Variants in CATSPERE observed in about 807,000 individuals in gnomAD.
CATSPERE encodes the protein cation channel sperm-associated auxiliary subunit epsilon.
A neutral mutation model predicts 114.1 loss-of-function variants in CATSPERE; 93 were observed. The observed-to-expected ratio is 0.81, with a 90% confidence interval of 0.69 to 0.97. The LOEUF is 0.97. CATSPERE is among the 50% of genes least tolerant of loss of function. The probability of loss-of-function intolerance (pLI) is 0.00; values close to 1 mark genes in which losing one functional copy is unlikely to be tolerated. For missense variants in CATSPERE, 1,058 were observed against 1,131.6 expected (o/e 0.93, Z 0.93); for synonymous variants, 341 against 384.1 (o/e 0.89, Z 1.31).
At chr1:244,502,512 T>G (rs1411373977) in intron 7 of CATSPERE, among the ~76,000 whole-genome samples, 1 of 152,214 alleles carries the variant, frequency 6.6e-6, no homozygotes, top group Non-Finnish European at 1.5e-5. Flanking sequence ...TATATTCTTT[T>G]TAACTGGCAA....
chr1:244,461,849 C>G (rs755911159), intron 1 of CATSPERE, among the ~76,000 whole-genome samples: 1 of 152,174 alleles, frequency 6.6e-6, no homozygotes, highest in Non-Finnish European at 1.5e-5. Context: ...CCTCTTGCTC[C>G]GTTGCCCAGG....
Position 244,552,679 on chromosome 1 carries a change from T to C in CATSPERE, c.894T>C (p.Val298=). The C allele has an allele frequency of 6.2e-7, 1 of 1,614,042 alleles. No individual in the cohort carries two copies. Among genetic ancestry groups the C allele is most frequent in the South Asian group, 1.1e-5 (1 of 91,074 alleles). The change falls in exon 9 of 22, where the codon GTT becomes GTC. Residue 298 remains valine, a synonymous_variant. Transcript: ENST00000366534. ...AHVILSRDGI[V]FLINGVLYIK... ...TGATCTTATCGCGGGATGGAATCGT[T>C]TTTCTTATAAATGGTGTTCTTTACA...
Position 244,504,005 on chromosome 1 carries a change from T to C in CATSPERE, c.429+4926T>C, listed in dbSNP as rs1674462028. On this transcript the variant is annotated intron_variant, in intron 7 of 21. Coordinates refer to ENST00000366534, the MANE Select transcript of CATSPERE (RefSeq NM_001130957.2). The surrounding 1 kb of genome is among the most constrained non-coding windows in gnomAD (Gnocchi z 4.1). ...TCTATGACCTGGAGATATTTCATGC[T>C]TATTTTTTTCCTTTTTTTCTAAAGT... Among the ~76,000 whole-genome samples the C allele has an allele frequency of 6.6e-6, 1 of 152,264 alleles. No individual in the cohort carries two copies.
chr1:244,639,301 CACTCAT>C (rs1321161860), intron 21 of CATSPERE, among the ~76,000 whole-genome samples: 1 of 152,262 alleles, frequency 6.6e-6, no homozygotes, highest in East Asian at 1.9e-4. Flanking sequence ...CTCCTACTCC[CACTCAT>C]ACTCATACCA....
intron 15 of CATSPERE, among the ~76,000 whole-genome samples, chr1:244,592,304 A>AT (rs1667833914): frequency 6.6e-6 from 1 of 152,098 alleles, no homozygotes; most frequent in Non-Finnish European, 1.5e-5. Flanking sequence ...TACTAACTGA[A>AT]TTTTTTCTAG....
In CATSPERE at chr1:244,610,227, C is replaced by T; in HGVS notation, c.2404-13C>T. ...CTTCTACCTACCCACATACATGTGC[C>T]ATCTTTTGACAGAGTGGTTGTTTAC... On this transcript the variant is annotated splice_polypyrimidine_tract_variant and intron_variant, in intron 18 of 21. Transcript: ENST00000366534. 6.4e-7 allele frequency: 1 copy of T among 1,573,910 alleles called. No individual in the cohort carries two copies. The highest frequency in any genetic ancestry group is 1.2e-5 in the South Asian group (1 of 85,892).
At chr1:244,612,976 CAG>C (rs1167529299) in intron 19 of CATSPERE, among the ~76,000 whole-genome samples, 1 of 151,978 alleles carries the variant, frequency 6.6e-6, no homozygotes, top group Non-Finnish European at 1.5e-5. Flanking sequence ...GGCAGTGACA[CAG>C]AAAAAGGAGC....
At chr1:244,524,552 A>G (rs1185027169) in intron 8 of CATSPERE, among the ~76,000 whole-genome samples, 3 of 118,990 alleles carry the variant, frequency 2.5e-5, no homozygotes, top group Admixed American at 7.5e-5. Context: ...CGAACAGGCC[A>G]CCTACAAAAT....
At chr1:244,583,710 C>T (rs1257802882) in intron 12 of CATSPERE, among the ~76,000 whole-genome samples, 154 bp from the exon 13 acceptor site, 1 of 152,182 alleles carries the variant, frequency 6.6e-6, no homozygotes, top group Non-Finnish European at 1.5e-5. Flanking sequence ...AAGCAGAGAG[C>T]TGTTACCAGC....
intron 8 of CATSPERE, among the ~76,000 whole-genome samples, chr1:244,535,578 A>G (rs1680270001): frequency 6.6e-6 from 1 of 152,138 alleles, no homozygotes; most frequent in South Asian, 2.1e-4. Flanking sequence ...GGCTACCATT[A>G]ATGTTCACTT....
intron 8 of CATSPERE, among the ~76,000 whole-genome samples, chr1:244,549,945 C>T (rs946919820): frequency 1.3e-4 from 20 of 152,170 alleles, no homozygotes; most frequent in Non-Finnish European, 8.8e-5. Flanking sequence ...TTGAAAAGGA[C>T]GAAAGGGCAA....
rs114209239 is a variant in CATSPERE at position 244,599,330 on chromosome 1, A to G, written c.2303+5752A>G. 5.1e-3 allele frequency among the ~76,000 whole-genome samples: 770 copies of G among 152,148 alleles called. 9 individuals carry two copies. The highest frequency in any genetic ancestry group is 0.018 in the African/African-American group (750 of 41,508). On this transcript the variant is annotated intron_variant, in intron 17 of 21. Transcript: ENST00000366534. ...CTGAACTCCTGATCTTCCCCTCAAA[A>G]CCTGCTCCACCAGTAGCCTTCCCCA...
intron 2 of CATSPERE, 140 bp downstream of exon 2, chr1:244,464,096 A>G (rs1667226717): frequency 1.5e-6 from 1 of 657,368 alleles, no homozygotes; most frequent in South Asian, 1.9e-5. Flanking sequence ...GTATTACCCT[A>G]ACATAGGTCC....
upstream of CATSPERE, among the ~76,000 whole-genome samples, chr1:244,458,894 AT>A (rs1191233106): frequency 6.6e-6 from 1 of 152,178 alleles, no homozygotes; most frequent in Non-Finnish European, 1.5e-5. Flanking sequence ...TATAGAGCCA[AT>A]TAAAGCCCAT....
intron 8 of CATSPERE, among the ~76,000 whole-genome samples, chr1:244,533,955 G>GAAAT (rs1253315003): frequency 6.6e-6 from 1 of 152,224 alleles, no homozygotes; most frequent in East Asian, 1.9e-4. Context: ...TTGTGTTGAT[G>GAAAT]AAATCCCTCA....
chr1:244,468,101 C>G (rs199773592), intron 2 of CATSPERE, among the ~76,000 whole-genome samples: 1 of 111,138 alleles, frequency 9.0e-6, no homozygotes, highest in Admixed American at 9.0e-5. Context: ...TTTTTTTTTT[C>G]TTTTTTCTTT....
intron 14 of CATSPERE, among the ~76,000 whole-genome samples, chr1:244,588,931 G>T (rs776374110): frequency 1.3e-5 from 2 of 152,076 alleles, no homozygotes; most frequent in African/African-American, 2.4e-5. Context: ...TCAGAGAACT[G>T]CTTACACCCA....
chr1:244,517,525 A>C (rs919738524), intron 7 of CATSPERE, among the ~76,000 whole-genome samples: 1 of 152,010 alleles, frequency 6.6e-6, no homozygotes, highest in African/African-American at 2.4e-5. Context: ...TAATCCCAGC[A>C]CTTTAGGAGG....
chr1:244,478,771 C>T (rs530014352), intron 4 of CATSPERE, among the ~76,000 whole-genome samples: 4 of 152,082 alleles, frequency 2.6e-5, no homozygotes, highest in Admixed American at 6.5e-5. Context: ...CGGTGGCTCA[C>T]GCCTGTGATC....
Sources: allele counts gnomAD v4.1 joint callset (sites outside exome capture counted in the v4.1 genomes callset), GRCh38; gene constraint gnomAD v4.1.1; non-coding constraint Gnocchi (gnomAD v3.1); transcripts MANE v1.5; gene names NCBI Gene and HGNC (gene_info 2026-07-23, HGNC 2026-07-21).